SIX4: variants seen among roughly 807,000 people sequenced by gnomAD.
The protein encoded by SIX4 is SIX homeobox 4.
In SIX4, 23 loss-of-function variants were observed where a neutral mutation model predicts 51.5. That is an observed-to-expected ratio of 0.45 (90% CI 0.32 to 0.63). The LOEUF is 0.63. SIX4 is among the 30% of genes least tolerant of loss of function. SIX4 has a pLI of 0.04. For synonymous variants in SIX4, 413 were observed against 417.3 expected (o/e 0.99, Z 0.13); for missense variants, 867 against 984.0 (o/e 0.88, Z 1.59).
In SIX4 at chr14:60,723,359, T is replaced by C. The variant is rs375683969; in HGVS notation, c.716A>G (p.Lys239Arg). 4.3e-6 allele frequency: 7 copies of C among 1,612,146 alleles called. No individual in the cohort carries two copies. In the African/African-American group the frequency reaches 6.7e-5, roughly 15 times the overall value. ...CFKEKSRNALKELYKQNRYPS... is the reference protein window; with the variant it reads ...CFKEKSRNALRELYKQNRYPS... Reference sequence around the variant, plus strand: ...GTAGCGATTCTGCTTGTAGAGCTCCTTGAGCGCGTTGCGCGACTTCTCCTT... The same window carrying C: ...GTAGCGATTCTGCTTGTAGAGCTCCCTGAGCGCGTTGCGCGACTTCTCCTT... The change falls in exon 1 of 3, where the codon AAG becomes AGG. Residue 239 changes from lysine (K) to arginine (R), a missense_variant. Coordinates refer to ENST00000216513, the MANE Select transcript of SIX4 (RefSeq NM_017420.5).
At position 60,712,364 on chromosome 14, in the gene SIX4, A is replaced by C. The variant is rs1895839000; in HGVS notation, c.*1043T>G. 6.6e-6 allele frequency: 1 copy of C among 152,662 alleles called. No homozygotes were observed. Among genetic ancestry groups the C allele is most frequent in the Non-Finnish European group, 1.5e-5 (1 of 68,040 alleles). 9.5% of individuals were successfully genotyped at this position (152,662 alleles called of 1,614,324 possible). On this transcript the variant is annotated 3_prime_UTR_variant, in exon 3 of 3. Coordinates refer to ENST00000216513, the MANE Select transcript of SIX4 (RefSeq NM_017420.5). Reference sequence around the variant, plus strand: ...TGTTAGATAGTAGAAAAGAACCATCAGTGCTTCTGTTGACACTTCTGTACC... The same window carrying C: ...TGTTAGATAGTAGAAAAGAACCATCCGTGCTTCTGTTGACACTTCTGTACC...
At chr14:60,718,184 C>T (rs902615832) in intron 2 of SIX4, among the ~76,000 whole-genome samples, 1 of 151,886 alleles carries the variant, frequency 6.6e-6, no homozygotes, top group Non-Finnish European at 1.5e-5. Context: ...AAACTGAATC[C>T]CCAAAATGTT....
At chr14:60,723,144 G>A (rs1209630470) in intron 1 of SIX4, 68 bp downstream of exon 1, 6 of 1,467,394 alleles carry the variant, frequency 4.1e-6, no homozygotes, top group Non-Finnish European at 5.4e-6. Flanking sequence ...GCGAGCACTT[G>A]GAGGAAAAGA....
rs781298634 is a variant in SIX4, at chr14:60,713,499, C to T, written c.2254G>A (p.Val752Ile). Reference sequence around the variant, plus strand: ...TCCAGGTCTTCACAGACAGTATCAACCATGCCATCTAAGACATACTTGGAT... The same window carrying T: ...TCCAGGTCTTCACAGACAGTATCAATCATGCCATCTAAGACATACTTGGAT... ...SKSKYVLDGM[V>I]DTVCEDLETD... Residue 752 changes from valine (V) to isoleucine (I), a missense_variant, in exon 3 of 3, where the codon GTT becomes ATT. By Grantham distance (29) the Val-to-Ile change is conservative (BLOSUM62 3). Transcript: ENST00000216513. 1 of 1,614,234 alleles carries T rather than the reference C, an allele frequency of 6.2e-7. No homozygotes were observed. Among genetic ancestry groups the T allele is most frequent in the South Asian group, 1.1e-5 (1 of 91,084 alleles).
chr14:60,713,420 A>G lies in SIX4; in HGVS notation c.2333T>C (p.Met778Thr), dbSNP rs759274813. The change falls in exon 3 of 3, where the codon ATG becomes ACG. Residue 778 changes from methionine to threonine, a missense_variant. Transcript: ENST00000216513. Reference sequence around the variant, plus strand: ...AGGAAATAAAGTTCATAAGTCTTGCATATCTTCATCCAGCTGGACAGTCTG... The same window carrying G: ...AGGAAATAAAGTTCATAAGTCTTGCGTATCTTCATCCAGCTGGACAGTCTG... ...KLQTVQLDEDMQDL is the reference protein window; with the variant it reads ...KLQTVQLDEDTQDL 3 of 1,598,146 alleles carry G rather than the reference A, an allele frequency of 1.9e-6. No homozygotes were observed. The highest frequency in any genetic ancestry group is 1.3e-5 in the African/African-American group (1 of 74,096).
In SIX4 at chr14:60,724,348, T is replaced by C; in HGVS notation, c.-274A>G. ...ACTCCTCCGGTTGCTGCATACTATA[T>C]GGCAGTGGCGGCCGGGCCGGCCCGG... is the stretch of plus-strand genomic sequence containing the variant. On this transcript the variant is annotated 5_prime_UTR_variant, in exon 1 of 3. Coordinates refer to ENST00000216513, the MANE Select transcript of SIX4 (RefSeq NM_017420.5). The C allele has an allele frequency of 7.1e-7, 1 of 1,402,122 alleles. No individual in the cohort carries two copies. Among genetic ancestry groups the C allele is most frequent in the East Asian group, 3.3e-5 (1 of 30,004 alleles). The allele number at this position is 1,402,122 out of a possible 1,614,324, so 86.9% of individuals were successfully genotyped here.
rs1895803672 is a variant in SIX4 at position 60,710,661 on chromosome 14, C to G, written c.*2746G>C. 6.6e-6 allele frequency: 1 copy of G among 152,460 alleles called. No individual in the cohort carries two copies. Among genetic ancestry groups the G allele is most frequent in the African/African-American group, 2.4e-5 (1 of 41,374 alleles). 9.4% of individuals were successfully genotyped at this position (152,460 alleles called of 1,614,324 possible). ...TGACTCCAAGGGTTCTGAGTCTGGCCCTTGGTATGGCAAAAGACATTTGCA... is the reference window on the plus strand; with the variant it reads ...TGACTCCAAGGGTTCTGAGTCTGGCGCTTGGTATGGCAAAAGACATTTGCA... On this transcript the variant is annotated 3_prime_UTR_variant, in exon 3 of 3. Coordinates refer to ENST00000216513, the MANE Select transcript of SIX4 (RefSeq NM_017420.5).
chr14:60,723,580 G>T lies in SIX4; in HGVS notation c.495C>A (p.Leu165=), dbSNP rs550497092. 6.2e-7 allele frequency: 1 copy of T among 1,611,246 alleles called. No individual in the cohort carries two copies. The highest frequency in any genetic ancestry group is 1.3e-5 in the African/African-American group (1 of 75,002). ...VAFHQGIYPE[L]YSILESHSFE... The stretch of plus-strand genomic sequence containing the variant: ...AGCTGTGGCTCTCGAGGATGCTGTA[G>T]AGCTCGGGGTAGATGCCCTGGTGGA... The change falls in exon 1 of 3, where the codon CTC becomes CTA. Residue 165 remains leucine (L), a synonymous_variant. Transcript: ENST00000216513.
Position 60,723,315 on chromosome 14 carries a change from G to C in SIX4, c.760C>G (p.Arg254Gly). Residue 254 changes from arginine to glycine, a missense_variant, in exon 1 of 3, where the codon CGG (arginine) becomes GGG (glycine). Arg to Gly is a moderately radical substitution (Grantham distance 125, BLOSUM62 -2). Transcript: ENST00000216513. Reference protein sequence around the residue: ...QNRYPSPAEKRHLAKITGLSL... With the variant: ...QNRYPSPAEKGHLAKITGLSL... ...AGGCCGGTGATCTTGGCCAGGTGCC[G>C]CTTCTCGGCGGGCGAAGGGTAGCGA... 6.2e-7 allele frequency: 1 copy of C among 1,613,118 alleles called. No individual in the cohort carries two copies. Among genetic ancestry groups the C allele is most frequent in the Non-Finnish European group, 8.5e-7 (1 of 1,179,988 alleles).
At position 60,719,302 on chromosome 14, in the gene SIX4, T is replaced by C. The variant is rs1895976557; in HGVS notation, c.1549+458A>G. Among the ~76,000 whole-genome samples, 2 of 152,256 alleles carry C rather than the reference T, an allele frequency of 1.3e-5. No homozygotes were observed. Among genetic ancestry groups the C allele is most frequent in the African/African-American group, 4.8e-5 (2 of 41,478 alleles). ...CAGGATTCAAACATAATTGATCCGG[T>C]CTTTTTAGCTTGTTCTTCTAAAACA... On this transcript the variant is annotated intron_variant, in intron 2 of 2. Transcript: ENST00000216513. This position sits in a 1 kb window ranked among gnomAD's most constrained non-coding sequence, Gnocchi z 4.9.
rs1895938512 is a variant in SIX4, at chr14:60,717,447, T to A, written c.1549+2313A>T. ...ATAGATGTTTAGTTTATTGTGTGTA[T>A]GTTTATGAAATTGTTTGCCAATGTA... On this transcript the variant is annotated intron_variant, in intron 2 of 2. Coordinates refer to ENST00000216513, the MANE Select transcript of SIX4 (RefSeq NM_017420.5). This position sits in a 1 kb window ranked among gnomAD's most constrained non-coding sequence, Gnocchi z 4.6. Among the ~76,000 whole-genome samples, 1 of 152,252 alleles carries A rather than the reference T, an allele frequency of 6.6e-6. No homozygotes were observed. The highest frequency in any genetic ancestry group is 1.9e-4 in the East Asian group (1 of 5,198).
Position 60,713,720 on chromosome 14 carries a change from A to C in SIX4, c.2033T>G (p.Val678Gly). The change falls in exon 3 of 3, where the codon GTC becomes GGC. Residue 678 changes from valine (V) to glycine (G), a missense_variant. By Grantham distance (109) the Val-to-Gly change is moderately radical. Transcript: ENST00000216513. ...SLITGQDLLS[V>G]PMTQAALGEI... ...CCCAAGGGCAGCCTGAGTCATAGGG[A>C]CTGACAATAGGTCTTGACCAGTAAT... The C allele has an allele frequency of 6.2e-7, 1 of 1,614,190 alleles. No homozygotes were observed. Among genetic ancestry groups the C allele is most frequent in the East Asian group, 2.2e-5 (1 of 44,890 alleles).
chr14:60,722,167 C>T lies in SIX4; in HGVS notation c.863+1045G>A, dbSNP rs1896033662. On this transcript the variant is annotated intron_variant, in intron 1 of 2. Transcript: ENST00000216513. This position sits in a 1 kb window ranked among gnomAD's most constrained non-coding sequence, Gnocchi z 5.9. The stretch of plus-strand genomic sequence containing the variant: ...TCTCCTATCCCCGCGGGGCTGGAGA[C>T]ACCAGGTCTTTAGGCGACCTTCTCC... Among the ~76,000 whole-genome samples the T allele has an allele frequency of 1.3e-5, 2 of 152,222 alleles. No homozygotes were observed. The highest frequency in any genetic ancestry group is 3.9e-4 in the East Asian group (2 of 5,190).
intron 2 of SIX4, among the ~76,000 whole-genome samples, chr14:60,715,075 C>A (rs547452133): frequency 6.6e-6 from 1 of 151,648 alleles, no homozygotes; most frequent in Non-Finnish European, 1.5e-5. Context: ...GAGTACCCAC[C>A]TTCCCAAGTA....
rs1353780660 is a variant in SIX4 at position 60,720,243 on chromosome 14, G to A, written c.1066C>T (p.Pro356Ser). Reference sequence around the variant, plus strand: ...AGGAAGACAGGTGAAGTACTTGCAGGTACCAAGCTTCCATTCAACAGAACT... The same window carrying A: ...AGGAAGACAGGTGAAGTACTTGCAGATACCAAGCTTCCATTCAACAGAACT... Reference protein sequence around the residue: ...SGVLLNGSLVPASTSPVFLNG... With the variant: ...SGVLLNGSLVSASTSPVFLNG... The change falls in exon 2 of 3, where the codon CCT becomes TCT. Residue 356 changes from proline (P) to serine (S), a missense_variant. Pro to Ser is a moderately conservative substitution (Grantham distance 74, BLOSUM62 -1). Coordinates refer to ENST00000216513, the MANE Select transcript of SIX4 (RefSeq NM_017420.5). The surrounding 1 kb of genome is among the most constrained non-coding windows in gnomAD (Gnocchi z 5.5). 2 of 1,614,074 alleles carry A rather than the reference G, an allele frequency of 1.2e-6. No homozygotes were observed. The highest frequency in any genetic ancestry group is 2.2e-5 in the East Asian group (1 of 44,902).
chr14:60,716,339 G>A (rs1270715778), intron 2 of SIX4, among the ~76,000 whole-genome samples: 1 of 151,786 alleles, frequency 6.6e-6, no homozygotes, highest in African/African-American at 2.4e-5. Context: ...TGCAAACTCC[G>A]CTTCCTGGGT....
At chr14:60,718,443 TC>T (rs1895959406) in intron 2 of SIX4, among the ~76,000 whole-genome samples, 2 of 152,312 alleles carry the variant, frequency 1.3e-5, no homozygotes, top group South Asian at 4.1e-4. Context: ...TTTCTACTTT[TC>T]TCCTCCCCCA....
chr14:60,714,343 G>C, intron 2 of SIX4, 140 bp from the exon 3 acceptor site: 1 of 712,426 alleles, frequency 1.4e-6, no homozygotes. Flanking sequence ...TTCTGGTTCA[G>C]AATTACCTTG....
At position 60,723,435 on chromosome 14, in the gene SIX4, A is replaced by G; in HGVS notation, c.640T>C (p.Phe214Leu). 1 of 1,598,450 alleles carries G rather than the reference A, an allele frequency of 6.3e-7. No individual in the cohort carries two copies. Among genetic ancestry groups the G allele is most frequent in the Non-Finnish European group, 8.5e-7 (1 of 1,173,336 alleles). The change falls in exon 1 of 3, where the codon TTC becomes CTC. Residue 214 changes from phenylalanine to leucine, a missense_variant. Phe to Leu is a conservative substitution (Grantham distance 22). Coordinates refer to ENST00000216513, the MANE Select transcript of SIX4 (RefSeq NM_017420.5). ...AVDKYRLRRK[F>L]PLPRTIWDGE... is the part of the protein sequence containing the mutation. The stretch of plus-strand genomic sequence containing the variant: ...TCCCAGATGGTGCGGGGCAGGGGGA[A>G]TTTCCTGCGCAGCCGGTACTTGTCT...
Sources: gnomAD v4.1 joint callset for allele counts (sites outside exome capture counted in the v4.1 genomes callset) on GRCh38, gnomAD v4.1.1 for gene constraint, Gnocchi (gnomAD v3.1) non-coding constraint, MANE v1.5 for transcripts, NCBI Gene and HGNC (gene_info 2026-07-23, HGNC 2026-07-21) for gene names.